RASA2: variants seen among roughly 807,000 people sequenced by gnomAD.
The protein encoded by RASA2 is RAS p21 protein activator 2.
Under a neutral mutation model 118.2 loss-of-function variants are expected in RASA2, and 155 were observed. The observed-to-expected ratio is 1.31, with a 90% CI of 1.15 to 1.50. The LOEUF is 1.50. RASA2 is among the 40% of genes most tolerant of loss of function. The pLI is 0.00. For synonymous variants in RASA2, 353 were observed against 349.1 expected (o/e 1.01, Z -0.12); for missense variants, 1,016 against 1,009.6 (o/e 1.01, Z -0.09).
intron 6 of RASA2, among the ~76,000 whole-genome samples, chr3:141,554,375 T>C (rs1291038227): frequency 6.6e-6 from 1 of 152,244 alleles, no homozygotes; most frequent in Non-Finnish European, 1.5e-5. Flanking sequence ...TTGCCTTTTC[T>C]ACTCATGAAA....
chr3:141,548,568 T>C (rs1331647820), intron 5 of RASA2, among the ~76,000 whole-genome samples: 9 of 152,240 alleles, frequency 5.9e-5, no homozygotes, highest in Admixed American at 2.6e-4. Context: ...CTCATCCTTA[T>C]AGATATTCTG....
chr3:141,584,197 G>T (rs2083161057), intron 17 of RASA2, among the ~76,000 whole-genome samples: 1 of 151,874 alleles, frequency 6.6e-6, no homozygotes, highest in African/African-American at 2.4e-5. Flanking sequence ...CGGGCATGGT[G>T]GCAGGCGCCG....
At position 141,572,741 on chromosome 3, in the gene RASA2, A is replaced by C; in HGVS notation, c.1284+18A>C. ...TTGATGAGGTACAGAATATATCTCC[A>C]ACAATGATAGTTTGTGGCCTTATGA... is the stretch of plus-strand genomic sequence containing the variant. On this transcript the variant is annotated intron_variant, in intron 12 of 23. Coordinates refer to ENST00000286364, the MANE Select transcript of RASA2 (RefSeq NM_006506.5). 15 of 1,509,854 alleles carry C rather than the reference A, an allele frequency of 9.9e-6. No individual in the cohort carries two copies. Among genetic ancestry groups the C allele is most frequent in the South Asian group, 1.2e-5 (1 of 85,520 alleles). 93.5% of individuals were successfully genotyped at this position (1,509,854 alleles called of 1,614,324 possible). A position where few individuals can be genotyped will look rare whatever the true frequency, so the allele number is the denominator to read the frequency against.
chr3:141,580,282 A>T (rs1193639596), intron 15 of RASA2, 86 bp from the exon 16 acceptor site: 3 of 996,268 alleles, frequency 3.0e-6, no homozygotes, highest in African/African-American at 1.6e-5. Flanking sequence ...TTTTACAGCA[A>T]TGTAGTCCAT....
chr3:141,513,585 AT>A (rs1469781609), intron 2 of RASA2, among the ~76,000 whole-genome samples: 1 of 152,136 alleles, frequency 6.6e-6, no homozygotes, highest in African/African-American at 2.4e-5. Context: ...TTTTGCATTG[AT>A]TTCTATGTTG....
At chr3:141,589,714 G>T (rs145498623) in intron 19 of RASA2, among the ~76,000 whole-genome samples, 7 of 151,936 alleles carry the variant, frequency 4.6e-5, no homozygotes, top group African/African-American at 1.7e-4. Flanking sequence ...GGTGGTGTGC[G>T]TCTGTAGTCC....
At chr3:141,555,982 C>T in intron 7 of RASA2, 70 bp downstream of exon 7, 1 of 1,178,666 alleles carries the variant, frequency 8.5e-7, no homozygotes, top group Non-Finnish European at 1.2e-6. Context: ...TTTCTTTTTT[C>T]AAACCACAGT....
intron 1 of RASA2, among the ~76,000 whole-genome samples, chr3:141,498,409 T>A (rs2081733524): frequency 6.6e-6 from 1 of 152,242 alleles, no homozygotes. Flanking sequence ...GGCTATGGTC[T>A]AATGTAGTGG....
chr3:141,492,231 C>A (rs555856163), intron 1 of RASA2, among the ~76,000 whole-genome samples: 1 of 151,770 alleles, frequency 6.6e-6, no homozygotes, highest in Non-Finnish European at 1.5e-5. Flanking sequence ...ATCATTTTAT[C>A]CTTTAATCAT....
At chr3:141,612,135 C>CA in intron 23 of RASA2, 148 bp from the exon 24 acceptor site, 1 of 638,784 alleles carries the variant, frequency 1.6e-6, no homozygotes, top group Non-Finnish European at 2.8e-6. Context: ...AATAGGTGGT[C>CA]AGTAAGTACT....
At chr3:141,566,486 A>G (rs1309509047) in intron 9 of RASA2, among the ~76,000 whole-genome samples, 1 of 152,268 alleles carries the variant, frequency 6.6e-6, no homozygotes, top group Non-Finnish European at 1.5e-5. Context: ...AATCTATAAA[A>G]GAGACTTAAG....
At chr3:141,594,873 GT>G (rs35106155) in intron 19 of RASA2, among the ~76,000 whole-genome samples, 40 of 149,082 alleles carry the variant, frequency 2.7e-4, no homozygotes, top group Middle Eastern at 3.5e-3. Context: ...AAGAATGCCT[GT>G]TTTTTTTTTC....
At chr3:141,569,545 T>TA (rs2082880428) in intron 9 of RASA2, among the ~76,000 whole-genome samples, 1 of 152,224 alleles carries the variant, frequency 6.6e-6, no homozygotes. Context: ...TAGGCAAGCA[T>TA]ATTGCTGAGT....
chr3:141,604,242 TTTTC>T (rs1395651518), intron 19 of RASA2, among the ~76,000 whole-genome samples: 4 of 152,222 alleles, frequency 2.6e-5, no homozygotes, highest in African/African-American at 9.6e-5. Context: ...TTGTTTTGTG[TTTTC>T]TATTTACTAG....
At chr3:141,595,516 A>G (rs1332617979) in intron 19 of RASA2, among the ~76,000 whole-genome samples, 2 of 152,250 alleles carry the variant, frequency 1.3e-5, no homozygotes, top group African/African-American at 4.8e-5. Context: ...GAAGGAGCAC[A>G]TAATCCTAAA....
intron 17 of RASA2, among the ~76,000 whole-genome samples, chr3:141,584,695 A>G (rs1303844999): frequency 6.6e-6 from 1 of 152,182 alleles, no homozygotes; most frequent in Non-Finnish European, 1.5e-5. Context: ...TGATCACATA[A>G]GGTCTCTGCC....
chr3:141,571,891 A>G (rs1444561614), intron 11 of RASA2, among the ~76,000 whole-genome samples: 2 of 151,848 alleles, frequency 1.3e-5, no homozygotes, highest in African/African-American at 4.8e-5. Flanking sequence ...CCTTATATGC[A>G]TATGTATGAC....
chr3:141,572,526 T>C, intron 11 of RASA2, 83 bp from the exon 12 acceptor site: 1 of 954,716 alleles, frequency 1.0e-6, no homozygotes, highest in Non-Finnish European at 1.7e-6. Context: ...TAAATGCTTC[T>C]TTCTTAAATT....
Position 141,516,352 on chromosome 3 carries a change from C to CT in RASA2, c.279dup (p.Glu94Ter). 6.4e-7 allele frequency: 1 copy of CT among 1,560,930 alleles called. No homozygotes were observed. The highest frequency in any genetic ancestry group is 8.7e-7 in the Non-Finnish European group (1 of 1,155,026). On this transcript the variant is annotated frameshift_variant, in exon 3 of 24. Coordinates refer to ENST00000286364, the MANE Select transcript of RASA2 (RefSeq NM_006506.5). LOFTEE classifies it high-confidence loss of function. ...GCCCATTTTTCAGTGAAGAATTTTA[C>CT]TTTGAGATTCCAAGAACTTTCCAGT...
Sources: gnomAD v4.1 joint callset for allele counts (sites outside exome capture counted in the v4.1 genomes callset) on GRCh38, gnomAD v4.1.1 for gene constraint, MANE v1.5 for transcripts, NCBI Gene and HGNC (gene_info 2026-07-23, HGNC 2026-07-21) for gene names.